The following GABBR2 variants were observed in gnomAD, a reference collection of about 807,000 sequenced individuals.
GABBR2 encodes G-protein coupled receptor 51.
Under a neutral mutation model 105.6 loss-of-function variants are expected in GABBR2, and 23 were observed. The observed-to-expected ratio is 0.22, with a 90% CI of 0.16 to 0.31. GABBR2 has a LOEUF of 0.31. Among genes scored for constraint, GABBR2 ranks in the 10% least tolerant of loss-of-function variants. The probability of loss-of-function intolerance (pLI) is 1.00; values close to 1 mark genes in which losing one functional copy is unlikely to be tolerated. For missense variants in GABBR2, 734 were observed against 1,245.5 expected (o/e 0.59, Z 6.18); for synonymous variants, 478 against 499.7 (o/e 0.96, Z 0.58).
At chr9:98,394,415 C>A (rs1832250352) in intron 8 of GABBR2, among the ~76,000 whole-genome samples, 160 bp from the exon 9 acceptor site, 1 of 152,228 alleles carries the variant, frequency 6.6e-6, no homozygotes, top group African/African-American at 2.4e-5. Flanking sequence ...AAACTTCTAA[C>A]CTGATCTAGG....
chr9:98,589,263 T>C (rs1484580139), intron 1 of GABBR2, among the ~76,000 whole-genome samples: 1 of 152,188 alleles, frequency 6.6e-6, no homozygotes, highest in East Asian at 1.9e-4. Flanking sequence ...CACCGCACAG[T>C]CTGAAGGCTC....
intron 3 of GABBR2, among the ~76,000 whole-genome samples, chr9:98,499,891 A>G (rs1827365979): frequency 6.6e-6 from 1 of 152,214 alleles, no homozygotes; most frequent in Admixed American, 6.5e-5. Flanking sequence ...GTCTCTACTA[A>G]AAGTATAAAA....
chr9:98,553,440 C>T (rs2131751777), intron 2 of GABBR2, among the ~76,000 whole-genome samples: 1 of 151,864 alleles, frequency 6.6e-6, no homozygotes, highest in African/African-American at 2.4e-5. Flanking sequence ...CAAAAAAATG[C>T]AAAAAATTAG....
chr9:98,704,465 C>T (rs1197192228), intron 1 of GABBR2, among the ~76,000 whole-genome samples: 2 of 152,006 alleles, frequency 1.3e-5, no homozygotes, highest in African/African-American at 4.8e-5. Flanking sequence ...TGATTAAATA[C>T]GTATGGTTCA....
At chr9:98,329,182 G>A (rs149403827) in intron 13 of GABBR2, among the ~76,000 whole-genome samples, 1,627 of 152,340 alleles carry the variant, frequency 0.011, 18 homozygotes, top group Non-Finnish European at 0.017. Context: ...GAGCAAGCTG[G>A]TGTCTCCTCA....
rs1394348613 is a variant in GABBR2, at chr9:98,288,275, G to A, written c.*2309C>T. On this transcript the variant is annotated 3_prime_UTR_variant, in exon 19 of 19. Coordinates refer to ENST00000259455, the MANE Select transcript of GABBR2 (RefSeq NM_005458.8). The stretch of plus-strand genomic sequence containing the variant: ...TTCAGGCCGAAGCCTCTTCAGAAAT[G>A]GACGGTGTGTTTGCTGCATATAAAA... 1.3e-5 allele frequency: 2 copies of A among 152,564 alleles called. No homozygotes were observed. The highest frequency in any genetic ancestry group is 4.8e-5 in the African/African-American group (2 of 41,394). The allele number at this position is 152,564 out of a possible 1,614,324, so 9.5% of individuals were successfully genotyped here. A position where few individuals can be genotyped will look rare whatever the true frequency, so the allele number is the denominator to read the frequency against.
chr9:98,537,675 A>G (rs1336839505), intron 3 of GABBR2, among the ~76,000 whole-genome samples: 1 of 151,946 alleles, frequency 6.6e-6, no homozygotes, highest in East Asian at 1.9e-4. Context: ...GGGCTCAAGC[A>G]ATCCTTCCAC....
At position 98,453,894 on chromosome 9, in the gene GABBR2, A is replaced by G. The variant is rs1249584067; in HGVS notation, c.1236+87T>C. ...TCAATGATCAGAGATAACAGATCAC[A>G]TAACAGAAAGCCTGTAACAGCCCCT... On this transcript the variant is annotated intron_variant, in intron 7 of 18. Transcript: ENST00000259455. 13 of 887,370 alleles carry G rather than the reference A, an allele frequency of 1.5e-5. No homozygotes were observed. The Admixed American group carries it at 2.0e-4, about 13-fold the overall frequency. 55.0% of individuals were successfully genotyped at this position (887,370 alleles called of 1,614,324 possible).
chr9:98,434,437 A>G (rs1246490717), intron 7 of GABBR2, among the ~76,000 whole-genome samples: 3 of 152,184 alleles, frequency 2.0e-5, no homozygotes, highest in Non-Finnish European at 4.4e-5. Flanking sequence ...TGTGCTGGTA[A>G]ATGTTCAACA....
intron 7 of GABBR2, among the ~76,000 whole-genome samples, chr9:98,439,488 G>A (rs529572290): frequency 1.3e-5 from 2 of 152,328 alleles, no homozygotes; most frequent in South Asian, 4.1e-4. Context: ...AATGTTAAAT[G>A]AAGGACACTA....
intron 5 of GABBR2, among the ~76,000 whole-genome samples, chr9:98,478,149 C>T (rs1291002324): frequency 6.6e-6 from 1 of 152,232 alleles, no homozygotes; most frequent in African/African-American, 2.4e-5. Flanking sequence ...TCTGCGATCC[C>T]ATTGGGTGGC....
At chr9:98,399,309 G>A (rs1208897598) in intron 8 of GABBR2, among the ~76,000 whole-genome samples, 1 of 147,326 alleles carries the variant, frequency 6.8e-6, no homozygotes, top group African/African-American at 2.6e-5. Context: ...CTGAGATTGT[G>A]CCACTGTACT....
At chr9:98,557,386 G>A (rs2131756632) in intron 2 of GABBR2, among the ~76,000 whole-genome samples, 2 of 152,346 alleles carry the variant, frequency 1.3e-5, no homozygotes, top group Middle Eastern at 3.4e-3. Context: ...TCAACTATGT[G>A]TTGAATAAAT....
intron 13 of GABBR2, among the ~76,000 whole-genome samples, chr9:98,349,349 G>GTTTTTTTTTTTTTTTTT: frequency 4.1e-5 from 1 of 24,218 alleles, no homozygotes. Context: ...TTGAAGTTTT[G>GTTTTTTTTTTTTTTTTT]TTTTTTTTTT....
intron 13 of GABBR2, among the ~76,000 whole-genome samples, chr9:98,328,043 T>TTTTTTTTTTTTTTTTTTGAGACGG (rs1433638259): frequency 6.7e-6 from 1 of 150,312 alleles, no homozygotes; most frequent in East Asian, 2.0e-4. Context: ...ATCAATATTC[T>TTTTTTTTTTTTTTTTTTGAGACGG]AAACCATATA....
chr9:98,363,892 C>A (rs117046865), intron 12 of GABBR2, among the ~76,000 whole-genome samples: 2,460 of 152,176 alleles, frequency 0.016, 22 homozygotes, highest in Non-Finnish European at 0.028. Context: ...GTTTATATAT[C>A]CCCTCACTCT....
intron 5 of GABBR2, among the ~76,000 whole-genome samples, chr9:98,476,094 G>A (rs1427582045): frequency 6.6e-6 from 1 of 152,076 alleles, no homozygotes. Flanking sequence ...AAAAAACTCA[G>A]AGTGAGGATA....
At chr9:98,570,024 A>G (rs1286351576) in intron 2 of GABBR2, among the ~76,000 whole-genome samples, 1 of 152,220 alleles carries the variant, frequency 6.6e-6, no homozygotes, top group Non-Finnish European at 1.5e-5. Context: ...TTTAAATGTC[A>G]AAACCAGGCA....
chr9:98,681,502 G>A (rs1399529750), intron 1 of GABBR2, among the ~76,000 whole-genome samples: 8 of 151,386 alleles, frequency 5.3e-5, no homozygotes. Flanking sequence ...ACGAGTTGGT[G>A]CAGCGTACCA....
Sources: allele counts gnomAD v4.1 joint callset (sites outside exome capture counted in the v4.1 genomes callset), GRCh38; gene constraint gnomAD v4.1.1; transcripts MANE v1.5; gene names NCBI Gene and HGNC (gene_info 2026-07-23, HGNC 2026-07-21).